The following LHFPL6 variants were observed in gnomAD, a reference collection of about 807,000 sequenced individuals.
LHFPL6 encodes LHFPL tetraspan subfamily member 6.
In LHFPL6, 9 loss-of-function variants were observed where a neutral mutation model predicts 20.6. The ratio of observed to expected loss-of-function variants is 0.44; its 90% CI spans 0.26 to 0.76. The LOEUF is 0.76. Ranked by LOEUF, LHFPL6 falls within the 30% of genes least tolerant of loss-of-function variation. The pLI, the probability that LHFPL6 is intolerant of heterozygous loss-of-function variation, is 0.20. For missense variants in LHFPL6, 218 were observed against 253.5 expected (o/e 0.86, Z 0.95); for synonymous variants, 105 against 98.7 (o/e 1.06, Z -0.38).
intron 2 of LHFPL6, among the ~76,000 whole-genome samples, chr13:39,381,723 T>C (rs1870440112): frequency 1.3e-5 from 2 of 151,750 alleles, no homozygotes; most frequent in Non-Finnish European, 1.5e-5. Flanking sequence ...CAGAGTTTAA[T>C]TGAGTAAGGG....
chr13:39,479,034 T>TAGAGATAGATAGATAG (rs1555264216), intron 2 of LHFPL6, among the ~76,000 whole-genome samples: 14 of 143,988 alleles, frequency 9.7e-5, no homozygotes, highest in East Asian at 2.0e-4. Flanking sequence ...GGGAGATAGA[T>TAGAGATAGATAGATAG]ATAGATAGAT....
intron 2 of LHFPL6, among the ~76,000 whole-genome samples, chr13:39,444,298 G>T (rs1872226458): frequency 6.6e-6 from 1 of 152,202 alleles, no homozygotes; most frequent in Admixed American, 6.5e-5. Context: ...AGAATGGAAA[G>T]ATTTGGAAAA....
At chr13:39,595,167 A>T (rs1872732797) in intron 2 of LHFPL6, among the ~76,000 whole-genome samples, 1 of 152,176 alleles carries the variant, frequency 6.6e-6, no homozygotes, top group Non-Finnish European at 1.5e-5. Context: ...AGATACAAAC[A>T]TATAAAATTT....
intron 2 of LHFPL6, among the ~76,000 whole-genome samples, chr13:39,575,657 G>A (rs775177192): frequency 1.3e-5 from 2 of 152,156 alleles, no homozygotes; most frequent in Non-Finnish European, 2.9e-5. Context: ...GCAAAGAACT[G>A]GGGTAGCAAT....
rs115877708 is a variant in LHFPL6, at chr13:39,429,368, T to C, written c.386-50842A>G. ...ATCCTGATGAATTGACCCATCTATC[T>C]TTACAAAATCTTCCTGATAACAATC... is the stretch of plus-strand genomic sequence containing the variant. On this transcript the variant is annotated intron_variant, in intron 2 of 3. Transcript: ENST00000379589. 5.2e-3 allele frequency among the ~76,000 whole-genome samples: 793 copies of C among 152,276 alleles called. 6 individuals are homozygous for C. Among genetic ancestry groups the C allele is most frequent in the African/African-American group, 0.018 (741 of 41,568 alleles).
At chr13:39,449,225 T>C (rs1228226618) in intron 2 of LHFPL6, among the ~76,000 whole-genome samples, 1 of 152,194 alleles carries the variant, frequency 6.6e-6, no homozygotes, top group Non-Finnish European at 1.5e-5. Context: ...TTCACGACAG[T>C]TACTTGAAAT....
chr13:39,542,403 C>G (rs1260514114), intron 2 of LHFPL6, among the ~76,000 whole-genome samples: 2 of 152,212 alleles, frequency 1.3e-5, no homozygotes, highest in Admixed American at 6.5e-5. Context: ...ACAATGCCAG[C>G]TTCACCATTT....
intron 2 of LHFPL6, among the ~76,000 whole-genome samples, chr13:39,593,989 G>A (rs995005810): frequency 3.3e-5 from 5 of 151,906 alleles, no homozygotes; most frequent in African/African-American, 7.2e-5. Context: ...AGACTTAAAC[G>A]TTAGACCTAA....
intron 2 of LHFPL6, among the ~76,000 whole-genome samples, chr13:39,447,978 G>A (rs567635873): frequency 1.2e-4 from 19 of 152,266 alleles, no homozygotes; most frequent in Non-Finnish European, 2.1e-4. Flanking sequence ...CCTTGACCCT[G>A]AATATTTGTG....
chr13:39,560,511 T>A (rs1266686709), intron 2 of LHFPL6, among the ~76,000 whole-genome samples: 1 of 147,810 alleles, frequency 6.8e-6, no homozygotes, highest in Non-Finnish European at 1.5e-5. Context: ...TCTCTTTTTT[T>A]TTTTTTTTTT....
chr13:39,461,092 G>A (rs1402045133), intron 2 of LHFPL6, among the ~76,000 whole-genome samples: 1 of 152,090 alleles, frequency 6.6e-6, no homozygotes, highest in East Asian at 1.9e-4. Context: ...GCAGTATTTG[G>A]TTTTTCTGTT....
intron 2 of LHFPL6, among the ~76,000 whole-genome samples, chr13:39,409,526 T>C (rs1380211432): frequency 6.6e-6 from 1 of 152,182 alleles, no homozygotes; most frequent in African/African-American, 2.4e-5. Context: ...CCACCACTGA[T>C]AGGCATTATT....
intron 2 of LHFPL6, among the ~76,000 whole-genome samples, chr13:39,490,109 G>C (rs1005773432): frequency 1.3e-5 from 2 of 151,340 alleles, no homozygotes; most frequent in Non-Finnish European, 2.9e-5. Context: ...AAAAAAAACA[G>C]GAAACGTCAC....
intron 2 of LHFPL6, among the ~76,000 whole-genome samples, chr13:39,595,474 G>T (rs1234760100): frequency 6.6e-6 from 1 of 152,184 alleles, no homozygotes; most frequent in East Asian, 1.9e-4. Flanking sequence ...CGTATTTTTA[G>T]TGGAGCCAGG....
chr13:39,523,651 C>T (rs1260955926), intron 2 of LHFPL6, among the ~76,000 whole-genome samples: 3 of 151,998 alleles, frequency 2.0e-5, no homozygotes, highest in Non-Finnish European at 4.4e-5. Context: ...CTGGCAGTTC[C>T]AGAGAACTTT....
intron 3 of LHFPL6, among the ~76,000 whole-genome samples, chr13:39,369,396 G>C (rs979133815): frequency 6.6e-6 from 1 of 152,022 alleles, no homozygotes; most frequent in African/African-American, 2.4e-5. Context: ...CAGGGTATCT[G>C]GTTCTTTAAA....
chr13:39,548,452 A>T (rs9576850), intron 2 of LHFPL6, among the ~76,000 whole-genome samples: 21,453 of 152,002 alleles, frequency 0.14, 1,871 homozygotes, highest in East Asian at 0.41. Context: ...CAACAACATA[A>T]CTCCCGATGG....
At chr13:39,566,565 A>G (rs9603564) in intron 2 of LHFPL6, among the ~76,000 whole-genome samples, 51,489 of 151,172 alleles carry the variant, frequency 0.34, 9,898 homozygotes, top group Non-Finnish European at 0.43. Context: ...ACACAGGGAG[A>G]CGCGGTCTCT....
chr13:39,525,768 C>T (rs1477433204), intron 2 of LHFPL6, among the ~76,000 whole-genome samples: 1 of 152,186 alleles, frequency 6.6e-6, no homozygotes, highest in Non-Finnish European at 1.5e-5. Flanking sequence ...ATGTTCATAA[C>T]TGTATGCTGA....
Sources: allele counts gnomAD v4.1 joint callset (sites outside exome capture counted in the v4.1 genomes callset), GRCh38; gene constraint gnomAD v4.1.1; transcripts MANE v1.5; gene names NCBI Gene and HGNC (gene_info 2026-07-23, HGNC 2026-07-21).